The following GABRB1 variants were observed in gnomAD, a reference collection of about 807,000 sequenced individuals.
GABRB1 encodes gamma-aminobutyric acid type A receptor subunit beta1.
A neutral mutation model predicts 51.6 loss-of-function variants in GABRB1; 17 were observed. The ratio of observed to expected loss-of-function variants is 0.33; its 90% CI spans 0.23 to 0.49. The LOEUF (loss-of-function observed/expected upper bound fraction) is 0.49. Ranked by LOEUF, GABRB1 falls within the 20% of genes least tolerant of loss-of-function variation. The pLI is 0.99. For synonymous variants in GABRB1, 247 were observed against 218.9 expected (o/e 1.13, Z -1.14); for missense variants, 410 against 600.6 (o/e 0.68, Z 3.32).
At chr4:47,208,012 A>G (rs955866753) in intron 4 of GABRB1, among the ~76,000 whole-genome samples, 3 of 152,084 alleles carry the variant, frequency 2.0e-5, no homozygotes, top group African/African-American at 7.2e-5. Context: ...GACAAAAAAA[A>G]ATGATTTTTC....
rs566847664 is a variant in GABRB1, at chr4:47,059,620, G to T, written c.240+27136G>T. On this transcript the variant is annotated intron_variant, in intron 3 of 8. Coordinates refer to ENST00000295454, the MANE Select transcript of GABRB1 (RefSeq NM_000812.4). ...GATATTTTCTTGCTGCAACATTAAA[G>T]CCTAAAGAAAAAAATGTAAGAAATT... Among the ~76,000 whole-genome samples the T allele has an allele frequency of 4.6e-5, 7 of 152,188 alleles. No individual in the cohort carries two copies. The East Asian group carries it at 1.4e-3, about 29-fold the overall frequency.
chr4:47,352,094 T>C (rs1329879503), intron 5 of GABRB1, among the ~76,000 whole-genome samples: 1 of 152,162 alleles, frequency 6.6e-6, no homozygotes, highest in African/African-American at 2.4e-5. Flanking sequence ...TTTTTAATGA[T>C]TGCCATTCTA....
chr4:47,128,038 C>T (rs1358009923), intron 3 of GABRB1, among the ~76,000 whole-genome samples: 1 of 151,554 alleles, frequency 6.6e-6, no homozygotes, highest in Non-Finnish European at 1.5e-5. Context: ...TAAATATAAA[C>T]TATATATGAA....
At chr4:47,126,291 A>G (rs1162819909) in intron 3 of GABRB1, among the ~76,000 whole-genome samples, 1 of 152,196 alleles carries the variant, frequency 6.6e-6, no homozygotes, top group African/African-American at 2.4e-5. Flanking sequence ...GATGTTGGTC[A>G]GGTTATAAAG....
intron 3 of GABRB1, among the ~76,000 whole-genome samples, chr4:47,140,762 T>C (rs1320903874): frequency 6.6e-6 from 1 of 151,040 alleles, no homozygotes; most frequent in Non-Finnish European, 1.5e-5. Context: ...AGTTGTTTTT[T>C]GTTTTTTTTT....
At chr4:47,031,865 C>T (rs1277343130) in intron 1 of GABRB1, 49 bp from the exon 2 acceptor site, 2 of 1,556,712 alleles carry the variant, frequency 1.3e-6, no homozygotes, top group Non-Finnish European at 1.8e-6. Flanking sequence ...TTTATATGTG[C>T]TCACAGTTTG....
rs529193925 is a variant in GABRB1 at position 47,015,928 on chromosome 4, A to G, written c.-19-15986A>G. ...AAAAATATATTCAGCTAACGGTAGA[A>G]CTATGGTAAAAAGTGTACAAATAGA... On this transcript the variant is annotated intron_variant, in intron 1 of 3. Coordinates refer to the GABRB1 transcript ENST00000513567. Among the ~76,000 whole-genome samples, 3 of 152,316 alleles carry G rather than the reference A, an allele frequency of 2.0e-5. No homozygotes were observed. In the East Asian group the frequency reaches 5.8e-4, roughly 29 times the overall value.
At chr4:47,035,676 G>T (rs1394896593) in intron 3 of GABRB1, among the ~76,000 whole-genome samples, 3 of 151,982 alleles carry the variant, frequency 2.0e-5, no homozygotes, top group Non-Finnish European at 4.4e-5. Context: ...GCACAAAGAG[G>T]ACTGACTAAA....
intron 3 of GABRB1, among the ~76,000 whole-genome samples, chr4:47,156,098 T>A (rs1300483534): frequency 6.6e-6 from 1 of 151,684 alleles, no homozygotes; most frequent in Non-Finnish European, 1.5e-5. Context: ...AGCAGTGGAA[T>A]TGCTAGATCA....
At chr4:47,136,262 G>T (rs1000779443) in intron 3 of GABRB1, among the ~76,000 whole-genome samples, 2 of 152,090 alleles carry the variant, frequency 1.3e-5, no homozygotes, top group Admixed American at 6.6e-5. Flanking sequence ...AGAGTGCTGG[G>T]ATTACAGGCA....
At chr4:47,351,319 TC>T (rs1451321698) in intron 5 of GABRB1, among the ~76,000 whole-genome samples, 1 of 151,878 alleles carries the variant, frequency 6.6e-6, no homozygotes, top group African/African-American at 2.4e-5. Context: ...CTATAATAAT[TC>T]CCCCCAAAAA....
chr4:47,015,675 A>T (rs902033015), intron 1 of GABRB1, among the ~76,000 whole-genome samples: 6 of 152,226 alleles, frequency 3.9e-5, no homozygotes, highest in Admixed American at 2.0e-4. Context: ...ATTGCTTACC[A>T]TAATTTGTAA....
chr4:47,054,746 C>A (rs972783589), intron 3 of GABRB1, among the ~76,000 whole-genome samples: 12 of 152,018 alleles, frequency 7.9e-5, no homozygotes, highest in African/African-American at 2.9e-4. Flanking sequence ...CCATGCCCAG[C>A]TAATTTTTTT....
chr4:47,248,084 T>C (rs554846926), intron 4 of GABRB1, among the ~76,000 whole-genome samples: 32 of 152,270 alleles, frequency 2.1e-4, no homozygotes, highest in African/African-American at 7.2e-4. Context: ...ATCCTTGTCT[T>C]ATTCCAGTTC....
At chr4:47,357,282 TA>T (rs370576823) in intron 5 of GABRB1, among the ~76,000 whole-genome samples, 230 of 152,226 alleles carry the variant, frequency 1.5e-3, no homozygotes, top group African/African-American at 5.3e-3. Context: ...CAGCAGTGGT[TA>T]AAAGTGACAC....
intron 4 of GABRB1, among the ~76,000 whole-genome samples, chr4:47,185,533 G>A (rs1164267801): frequency 1.3e-5 from 2 of 151,682 alleles, no homozygotes; most frequent in African/African-American, 4.8e-5. Context: ...ATGATATATA[G>A]AGCCATCCAC....
At chr4:47,340,497 A>G (rs1725845578) in intron 5 of GABRB1, among the ~76,000 whole-genome samples, 1 of 152,130 alleles carries the variant, frequency 6.6e-6, no homozygotes, top group Non-Finnish European at 1.5e-5. Flanking sequence ...TCCAAGATCA[A>G]AGCACCAGTA....
chr4:47,156,167 G>A (rs1002807750), intron 3 of GABRB1, among the ~76,000 whole-genome samples: 3 of 151,506 alleles, frequency 2.0e-5, no homozygotes, highest in African/African-American at 7.3e-5. Flanking sequence ...TGTAGTCGCT[G>A]TACTTTGCAT....
At chr4:47,223,085 C>T (rs964027024) in intron 4 of GABRB1, among the ~76,000 whole-genome samples, 3 of 152,040 alleles carry the variant, frequency 2.0e-5, no homozygotes, top group Non-Finnish European at 2.9e-5. Context: ...TACCACCTAC[C>T]GGGAACATTT....
Sources: allele counts gnomAD v4.1 joint callset (sites outside exome capture counted in the v4.1 genomes callset), GRCh38; gene constraint gnomAD v4.1.1; transcripts MANE v1.5; gene names NCBI Gene and HGNC (gene_info 2026-07-23, HGNC 2026-07-21).